COLEC10: variants seen among roughly 807,000 people sequenced by gnomAD.
The protein encoded by COLEC10 is collectin subfamily member 10.
COLEC10 carries 22 observed loss-of-function variants against 28.4 expected under a neutral mutation model. That is an observed-to-expected ratio of 0.78 (90% confidence interval 0.55 to 1.11). The LOEUF (loss-of-function observed/expected upper bound fraction) is 1.11. Among genes scored for constraint, COLEC10 ranks in the 50% least tolerant of loss-of-function variants. The pLI is 0.00. For synonymous variants in COLEC10, 125 were observed against 116.1 expected (o/e 1.08, Z -0.49); for missense variants, 361 against 344.1 (o/e 1.05, Z -0.39).
intron 1 of COLEC10, among the ~76,000 whole-genome samples, chr8:119,070,780 A>G (rs1234400867): frequency 6.6e-6 from 1 of 152,124 alleles, no homozygotes; most frequent in Non-Finnish European, 1.5e-5. Context: ...CAAAAGAGAG[A>G]CAAGTTTTAA....
chr8:119,105,306 G>A (rs925630048), intron 5 of COLEC10, among the ~76,000 whole-genome samples: 1 of 152,122 alleles, frequency 6.6e-6, no homozygotes, highest in African/African-American at 2.4e-5. Flanking sequence ...GGAAACTCGG[G>A]AGAGTGACTG....
chr8:118,987,377 A>G, the COLEC10 span, among the ~76,000 whole-genome samples: 1 of 152,168 alleles, frequency 6.6e-6, no homozygotes, highest in Non-Finnish European at 1.5e-5. Flanking sequence ...CAGCCTGGCC[A>G]ACAGGGCAAA....
At chr8:119,088,087 A>C (rs1320510590) in intron 1 of COLEC10, among the ~76,000 whole-genome samples, 1 of 151,982 alleles carries the variant, frequency 6.6e-6, no homozygotes, top group Non-Finnish European at 1.5e-5. Flanking sequence ...TGTTCACACC[A>C]CTGCACTCCA....
At chr8:118,969,334 T>C in the COLEC10 span, among the ~76,000 whole-genome samples, 1 of 152,008 alleles carries the variant, frequency 6.6e-6, no homozygotes, top group African/African-American at 2.4e-5. Context: ...AGATGTGTGA[T>C]ACTATTGCAG....
At chr8:118,993,596 C>G (rs1290216431), upstream of COLEC10, among the ~76,000 whole-genome samples, 1 of 152,086 alleles carries the variant, frequency 6.6e-6, no homozygotes, top group African/African-American at 2.4e-5. Flanking sequence ...ATAAGGTGAG[C>G]CACCCGCCTT....
At chr8:119,095,461 G>A (rs1294603511) in intron 3 of COLEC10, among the ~76,000 whole-genome samples, 2 of 152,226 alleles carry the variant, frequency 1.3e-5, no homozygotes, top group South Asian at 2.1e-4. Flanking sequence ...CTAGCACTTC[G>A]GGGGGCCGAG....
At chr8:119,019,323 T>A (rs1814051436) in intron 2 of COLEC10, among the ~76,000 whole-genome samples, 1 of 152,152 alleles carries the variant, frequency 6.6e-6, no homozygotes, top group Admixed American at 6.6e-5. Context: ...TGCCTGTCAG[T>A]GCAGTCCGTA....
chr8:119,064,774 G>A (rs887129323), upstream of COLEC10, among the ~76,000 whole-genome samples: 5 of 151,850 alleles, frequency 3.3e-5, no homozygotes, highest in Non-Finnish European at 7.4e-5. Flanking sequence ...TTAAAAGCAG[G>A]ATTTTGGGAA....
At chr8:119,061,885 A>C (rs1190749382) in intron 2 of COLEC10, among the ~76,000 whole-genome samples, 1 of 152,192 alleles carries the variant, frequency 6.6e-6, no homozygotes, top group Middle Eastern at 3.2e-3. Flanking sequence ...AATAAGTTTG[A>C]GGGTTCCCAA....
At chr8:119,006,659 C>T (rs1813804355) in intron 1 of COLEC10, among the ~76,000 whole-genome samples, 1 of 152,006 alleles carries the variant, frequency 6.6e-6, no homozygotes, top group Non-Finnish European at 1.5e-5. Flanking sequence ...CCAGGATTTT[C>T]ATCTGTCCCA....
chr8:119,077,569 G>C (rs186906113), intron 1 of COLEC10, among the ~76,000 whole-genome samples: 2 of 152,030 alleles, frequency 1.3e-5, no homozygotes, highest in Admixed American at 1.3e-4. Flanking sequence ...CAGTGGAGAG[G>C]GTAGAGCATG....
chr8:119,018,168 C>T (rs567005305), intron 2 of COLEC10, among the ~76,000 whole-genome samples: 23 of 152,170 alleles, frequency 1.5e-4, no homozygotes, highest in South Asian at 6.2e-4. Flanking sequence ...GTTTGCACTG[C>T]GCCATCTTAG....
At chr8:119,069,630 ATAT>A (rs1455609848) in intron 1 of COLEC10, among the ~76,000 whole-genome samples, 89 of 28,870 alleles carry the variant, frequency 3.1e-3, no homozygotes, top group African/African-American at 3.8e-3. Context: ...AAAAAAAAAA[ATAT>A]ATATATATAT....
the COLEC10 span, among the ~76,000 whole-genome samples, chr8:118,973,969 C>T: frequency 1.9e-4 from 29 of 151,842 alleles, no homozygotes; most frequent in African/African-American, 7.0e-4. Flanking sequence ...TTCCTCAAAC[C>T]CACCTGGCCC....
At chr8:119,039,672 C>A (rs1814457479) in intron 2 of COLEC10, among the ~76,000 whole-genome samples, 1 of 152,164 alleles carries the variant, frequency 6.6e-6, no homozygotes. Flanking sequence ...ATCATGGTGT[C>A]AATGAGTCTC....
At chr8:119,105,705 T>G in intron 5 of COLEC10, 95 bp from the exon 6 acceptor site, 1 of 1,144,926 alleles carries the variant, frequency 8.7e-7, no homozygotes, top group Non-Finnish European at 1.2e-6. Context: ...TCTTGAATAT[T>G]GAATAAATAA....
intron 2 of COLEC10, among the ~76,000 whole-genome samples, chr8:119,023,450 GA>G (rs909155710): frequency 6.6e-5 from 10 of 151,768 alleles, no homozygotes; most frequent in African/African-American, 2.4e-4. Context: ...TTTTAATATG[GA>G]AAAAAAGGCA....
chr8:119,096,116 A>G (rs763970102), intron 3 of COLEC10, among the ~76,000 whole-genome samples: 6 of 152,214 alleles, frequency 3.9e-5, no homozygotes, highest in Non-Finnish European at 8.8e-5. Flanking sequence ...TGGTTTATAG[A>G]TCTAAATTTG....
the COLEC10 span, among the ~76,000 whole-genome samples, chr8:118,977,882 G>A: frequency 6.6e-6 from 1 of 151,776 alleles, no homozygotes; most frequent in East Asian, 1.9e-4. Context: ...TGATTTTATT[G>A]TACTGAGCAT....
Sources: gnomAD v4.1 joint callset for allele counts (sites outside exome capture counted in the v4.1 genomes callset) on GRCh38, gnomAD v4.1.1 for gene constraint, MANE v1.5 for transcripts, NCBI Gene and HGNC (gene_info 2026-07-23, HGNC 2026-07-21) for gene names.